The following SNAP25 variants were observed in gnomAD, a reference collection of about 807,000 sequenced individuals.
SNAP25 encodes synaptosomal-associated protein 25.
In SNAP25, 3 loss-of-function variants were observed where a neutral mutation model predicts 28.7. The observed-to-expected ratio is 0.10, with a 90% CI of 0.05 to 0.27. The LOEUF is 0.27. Ranked by LOEUF, SNAP25 falls within the 10% of genes least tolerant of loss-of-function variation. The pLI is 1.00. For missense variants in SNAP25, 117 were observed against 278.7 expected (o/e 0.42, Z 4.13); for synonymous variants, 61 against 88.1 (o/e 0.69, Z 1.72).
intron 6 of SNAP25, among the ~76,000 whole-genome samples, chr20:10,298,369 T>A (rs929499571): frequency 2.4e-4 from 37 of 152,358 alleles, no homozygotes; most frequent in African/African-American, 8.7e-4. Context: ...TTTGAAACCA[T>A]AATGAGCCAG....
intron 7 of SNAP25, among the ~76,000 whole-genome samples, chr20:10,304,612 G>T (rs2064312772): frequency 6.6e-6 from 1 of 152,152 alleles, no homozygotes; most frequent in Non-Finnish European, 1.5e-5. Context: ...TTTACAAGAT[G>T]AATCATCAGT....
At chr20:10,262,379 G>T (rs2063428879) in intron 1 of SNAP25, among the ~76,000 whole-genome samples, 1 of 152,140 alleles carries the variant, frequency 6.6e-6, no homozygotes, top group Non-Finnish European at 1.5e-5. Flanking sequence ...CCACCTTTCT[G>T]AGCTTCCCTT....
intron 4 of SNAP25, among the ~76,000 whole-genome samples, chr20:10,285,142 T>C (rs1248035098): frequency 6.6e-6 from 1 of 152,206 alleles, no homozygotes; most frequent in African/African-American, 2.4e-5. Context: ...TAACAATACG[T>C]AGATAGAATG....
chr20:10,266,909 T>G (rs2063516566), intron 1 of SNAP25, among the ~76,000 whole-genome samples: 1 of 152,138 alleles, frequency 6.6e-6, no homozygotes, highest in Non-Finnish European at 1.5e-5. Flanking sequence ...CTTTTCTGCT[T>G]GATTTGATGT....
At chr20:10,265,070 G>T (rs1486582625) in intron 1 of SNAP25, among the ~76,000 whole-genome samples, 1 of 151,990 alleles carries the variant, frequency 6.6e-6, no homozygotes, top group Non-Finnish European at 1.5e-5. Context: ...ATGCAAGATG[G>T]TATATCAATT....
At chr20:10,251,181 T>G (rs536260072) in intron 1 of SNAP25, among the ~76,000 whole-genome samples, 2 of 152,314 alleles carry the variant, frequency 1.3e-5, no homozygotes, top group Admixed American at 1.3e-4. Flanking sequence ...GCACTCAGAC[T>G]AAAAGGATGC....
chr20:10,283,102 G>A (rs1429707898), intron 3 of SNAP25, among the ~76,000 whole-genome samples: 1 of 152,136 alleles, frequency 6.6e-6, no homozygotes, highest in East Asian at 1.9e-4. Context: ...AAAAGTAGTG[G>A]TCTAGAAGCT....
chr20:10,227,004 T>C (rs947473255), intron 1 of SNAP25, among the ~76,000 whole-genome samples: 2 of 152,066 alleles, frequency 1.3e-5, no homozygotes, highest in Non-Finnish European at 2.9e-5. Context: ...CATGGAGCAA[T>C]GCAAGAATAG....
At chr20:10,299,960 G>A (rs375513347) in intron 7 of SNAP25, among the ~76,000 whole-genome samples, 4 of 152,316 alleles carry the variant, frequency 2.6e-5, no homozygotes, top group African/African-American at 9.6e-5. Context: ...AGAATAGTCA[G>A]TATAGCCAGG....
chr20:10,281,381 A>G (rs2063775088), intron 3 of SNAP25, among the ~76,000 whole-genome samples: 1 of 152,216 alleles, frequency 6.6e-6, no homozygotes, highest in Non-Finnish European at 1.5e-5. Flanking sequence ...GTTATTTTTG[A>G]TAGAAGCTGT....
chr20:10,286,299 C>T (rs936537824), intron 4 of SNAP25, among the ~76,000 whole-genome samples: 2 of 152,004 alleles, frequency 1.3e-5, no homozygotes, highest in Admixed American at 6.6e-5. Context: ...TTGGGGTCCC[C>T]TGGGGAGCAA....
intron 7 of SNAP25, among the ~76,000 whole-genome samples, chr20:10,300,007 C>T (rs1378451970): frequency 6.6e-6 from 1 of 152,196 alleles, no homozygotes; most frequent in Non-Finnish European, 1.5e-5. Flanking sequence ...AATGCCAAAG[C>T]TTTAATGAGA....
chr20:10,254,637 TGCCCTATCCTGA>T (rs1273055875), intron 1 of SNAP25, among the ~76,000 whole-genome samples: 1 of 152,198 alleles, frequency 6.6e-6, no homozygotes, highest in African/African-American at 2.4e-5. Context: ...TTGAGCAGTT[TGCCCTATCCTGA>T]GCTACCTGCT....
chr20:10,288,135 T>A (rs902999299), intron 4 of SNAP25, among the ~76,000 whole-genome samples: 4 of 152,130 alleles, frequency 2.6e-5, no homozygotes, highest in African/African-American at 9.6e-5. Context: ...ATTGTGCACA[T>A]GTACCCTAAA....
At chr20:10,248,344 GT>G (rs1176475399) in intron 1 of SNAP25, among the ~76,000 whole-genome samples, 3 of 152,020 alleles carry the variant, frequency 2.0e-5, no homozygotes, top group Non-Finnish European at 4.4e-5. Context: ...ATTTTATAGT[GT>G]TTTTTTCTGA....
chr20:10,285,688 G>C (rs1366063818), intron 4 of SNAP25, among the ~76,000 whole-genome samples: 2 of 151,862 alleles, frequency 1.3e-5, no homozygotes, highest in Non-Finnish European at 2.9e-5. Flanking sequence ...CAAGCTGTGG[G>C]GGGGAACGTG....
rs578028771 is a variant in SNAP25, at chr20:10,228,421, C to CT, written c.-64+9445dup. ...TTGAGATCCTCTAACAGAAAGCACA[C>CT]TGCTGATACATAGAACGTGAGTCAG... On this transcript the variant is annotated intron_variant, in intron 1 of 7. Transcript: ENST00000254976. Among the ~76,000 whole-genome samples the CT allele has an allele frequency of 3.6e-3, 554 of 152,284 alleles. 3 individuals carry two copies. The highest frequency in any genetic ancestry group is 0.012 in the African/African-American group (510 of 41,560).
intron 1 of SNAP25, among the ~76,000 whole-genome samples, chr20:10,223,126 A>G (rs903974677): frequency 3.3e-5 from 5 of 152,194 alleles, no homozygotes; most frequent in Non-Finnish European, 5.9e-5. Context: ...AGTGGCTAAA[A>G]ATGGGAGGAA....
chr20:10,300,517 T>G (rs1198949787), intron 7 of SNAP25, among the ~76,000 whole-genome samples: 2 of 152,220 alleles, frequency 1.3e-5, no homozygotes, highest in Non-Finnish European at 1.5e-5. Context: ...CTAAATTTTC[T>G]TATAATAATT....
Sources: allele counts gnomAD v4.1 joint callset (sites outside exome capture counted in the v4.1 genomes callset), GRCh38; gene constraint gnomAD v4.1.1; transcripts MANE v1.5; gene names NCBI Gene and HGNC (gene_info 2026-07-23, HGNC 2026-07-21).